The following DOC2A variants were observed in gnomAD, a reference collection of about 807,000 sequenced individuals.
The protein encoded by DOC2A is double C2 domain alpha, also known as double C2-like domain-containing protein alpha.
A neutral mutation model predicts 40.6 loss-of-function variants in DOC2A; 28 were observed. That is an observed-to-expected ratio of 0.69 (90% confidence interval 0.51 to 0.95). DOC2A has a LOEUF of 0.95. Among genes scored for constraint, DOC2A ranks in the 40% least tolerant of loss-of-function variants. The probability of loss-of-function intolerance (pLI) is 0.00; values close to 1 mark genes in which losing one functional copy is unlikely to be tolerated. For synonymous variants in DOC2A, 241 were observed against 236.9 expected (o/e 1.02, Z -0.16); for missense variants, 474 against 552.5 (o/e 0.86, Z 1.42).
At position 30,006,573 on chromosome 16, in the gene DOC2A, A is replaced by G. The variant is rs766312071; in HGVS notation, c.960+23T>C. On this transcript the variant is annotated intron_variant, in intron 9 of 10. Coordinates refer to ENST00000350119, the MANE Select transcript of DOC2A (RefSeq NM_003586.3). The surrounding 1 kb of genome is among the most constrained non-coding windows in gnomAD (Gnocchi z 6.2). ...CCCAGCCCCTCCCTGGCCTCCCTCC[A>G]TGTCCCGTCCCCTCCTGGGTACCTC... The G allele has an allele frequency of 6.8e-6, 11 of 1,612,672 alleles. No individual in the cohort carries two copies. The highest frequency in any genetic ancestry group is 9.3e-6 in the Non-Finnish European group (11 of 1,179,448).
Position 30,010,270 on chromosome 16 carries a change from T to C in DOC2A, c.-13-35A>G. 1 of 1,609,622 alleles carries C rather than the reference T, an allele frequency of 6.2e-7. No homozygotes were observed. The highest frequency in any genetic ancestry group is 8.5e-7 in the Non-Finnish European group (1 of 1,179,874). On this transcript the variant is annotated intron_variant, in intron 1 of 10. Coordinates refer to ENST00000350119, the MANE Select transcript of DOC2A (RefSeq NM_003586.3). This position sits in a 1 kb window ranked among gnomAD's most constrained non-coding sequence, Gnocchi z 4.2. The stretch of plus-strand genomic sequence containing the variant: ...GGCGTGTGAGCCAGTGAGCCCATCA[T>C]ACCTAGCCATCCTGGCTGAGGGCCA...
intron 5 of DOC2A, 103 bp from the exon 6 acceptor site, chr16:30,007,402 C>T: frequency 6.6e-7 from 1 of 1,516,600 alleles, no homozygotes; most frequent in Non-Finnish European, 9.1e-7. Flanking sequence ...AACACTACGT[C>T]TCATCTGGAA....
upstream of DOC2A, among the ~76,000 whole-genome samples, chr16:30,016,020 A>AATATATATAT (rs1161591964): frequency 9.6e-4 from 59 of 61,158 alleles, no homozygotes; most frequent in African/African-American, 1.5e-3. Flanking sequence ...CCAGCACAAT[A>AATATATATAT]ATATATATAT....
chr16:30,006,297 C>T lies in DOC2A; in HGVS notation c.1092G>A (p.Glu364=), dbSNP rs910381791. 2.5e-6 allele frequency: 4 copies of T among 1,610,952 alleles called. No homozygotes were observed. Among genetic ancestry groups the T allele is most frequent in the Non-Finnish European group, 3.4e-6 (4 of 1,179,236 alleles). ...GGCAGTCACTCCAGTGCTTCCGAGC[C>T]TCGCCTCGGGCACCTGGCCCCAGGG... ...GVSLGPGARG[E]ARKHWSDCLQ... The change falls in exon 11 of 11, where the codon GAG becomes GAA. Residue 364 remains glutamate (E), a synonymous_variant. Transcript: ENST00000350119. This position sits in a 1 kb window ranked among gnomAD's most constrained non-coding sequence, Gnocchi z 6.2.
Position 30,010,202 on chromosome 16 carries a change from A to G in DOC2A, c.21T>C (p.Asp7=), listed in dbSNP as rs2070741456. The change falls in exon 2 of 11, where the codon GAT becomes GAC. Residue 7 remains aspartate (D), a synonymous_variant. Transcript: ENST00000350119. This position sits in a 1 kb window ranked among gnomAD's most constrained non-coding sequence, Gnocchi z 4.2. ...GCTCCTGGATGTTGATGGTCATGCG[A>G]TCGCCCCTGCGGCCCCTCATGCAGC... MRGRRG[D]RMTINIQEHM... 1.2e-6 allele frequency: 2 copies of G among 1,613,914 alleles called. No homozygotes were observed. Among genetic ancestry groups the G allele is most frequent in the Non-Finnish European group, 1.7e-6 (2 of 1,179,958 alleles).
In DOC2A at chr16:30,009,745, T is replaced by C. The variant is rs777036505; in HGVS notation, c.263-188A>G. Among the ~76,000 whole-genome samples, 5 of 151,966 alleles carry C rather than the reference T, an allele frequency of 3.3e-5. No homozygotes were observed. The highest frequency in any genetic ancestry group is 7.4e-5 in the Non-Finnish European group (5 of 67,962). ...TCGGCCGCAACTGGGGCTGTGTGGG[T>C]GGTGGAGTGTCTCAGCAGAAATACT... On this transcript the variant is annotated intron_variant, in intron 2 of 10. Transcript: ENST00000350119. The surrounding 1 kb of genome is among the most constrained non-coding windows in gnomAD (Gnocchi z 4.1).
At chr16:30,011,112 G>A (rs2070768533), upstream of DOC2A, 1 of 730,524 alleles carries the variant, frequency 1.4e-6, no homozygotes, top group African/African-American at 1.9e-5. Flanking sequence ...GGCTGGGGAG[G>A]GGGCGGGATC....
upstream of DOC2A, among the ~76,000 whole-genome samples, chr16:30,013,158 CAAAAAAAAAAAAAA>C (rs1171077200): frequency 5.1e-5 from 2 of 39,182 alleles, no homozygotes; most frequent in Non-Finnish European, 8.8e-5. Context: ...CCTGTCTCTA[CAAAAAAAAAAAAAA>C]AAAAAAAAAA....
At chr16:30,011,079 CG>C, upstream of DOC2A, 1 of 278,614 alleles carries the variant, frequency 3.6e-6, no homozygotes, top group Non-Finnish European at 4.5e-6. Flanking sequence ...GGCGCGGCGG[CG>C]GGGGACGGGG....
Position 30,006,867 on chromosome 16 carries a change from G to A in DOC2A, c.796C>T (p.Arg266Trp), listed in dbSNP as rs370463371. The A allele has an allele frequency of 5.0e-6, 8 of 1,613,428 alleles. No homozygotes were observed. The highest frequency in any genetic ancestry group is 1.6e-4 in the Middle Eastern group (1 of 6,082). Residue 266 changes from arginine (R) to tryptophan (W), a missense_variant, in exon 8 of 11, where the codon CGG (arginine) becomes TGG (tryptophan). Physicochemically the swap from Arg to Trp is moderately radical, Grantham distance 101. Coordinates refer to ENST00000350119, the MANE Select transcript of DOC2A (RefSeq NM_003586.3). The surrounding 1 kb of genome is among the most constrained non-coding windows in gnomAD (Gnocchi z 6.2). The part of the protein sequence containing the change: ...LLSLSYSSRR[R>W]GLLVGILRCA... ...CGCAAGATGCCTACCAGCAGTCCCC[G>A]GCGCCGCGAGCTGTAGCTGAGACTC... is the stretch of plus-strand genomic sequence containing the variant.
chr16:30,010,864 A>T lies in DOC2A; in HGVS notation c.-14+39T>A. Reference sequence around the variant, plus strand: ...CACACAGGCTGGCACGCTTCCCCGCACCCTCACGCCCCCGGCCTGCCCAGC... The same window carrying T: ...CACACAGGCTGGCACGCTTCCCCGCTCCCTCACGCCCCCGGCCTGCCCAGC... On this transcript the variant is annotated intron_variant, in intron 1 of 10. Coordinates refer to ENST00000350119, the MANE Select transcript of DOC2A (RefSeq NM_003586.3). The surrounding 1 kb of genome is among the most constrained non-coding windows in gnomAD (Gnocchi z 4.2). 1 of 995,698 alleles carries T rather than the reference A, an allele frequency of 1.0e-6. No homozygotes were observed. The highest frequency in any genetic ancestry group is 1.2e-6 in the Non-Finnish European group (1 of 835,540). 61.7% of individuals were successfully genotyped at this position (995,698 alleles called of 1,614,324 possible).
At chr16:30,007,336 C>T in intron 5 of DOC2A, 37 bp from the exon 6 acceptor site, 2 of 1,613,266 alleles carry the variant, frequency 1.2e-6, no homozygotes, top group East Asian at 2.2e-5. Flanking sequence ...CCCTGGGGTA[C>T]CTGAGCCCCG....
rs747294200 is a variant in DOC2A at position 30,007,062 on chromosome 16, G to A, written c.683C>T (p.Ala228Val). ...PLASPSSMSA[A>V]LRGISCYLKE... The stretch of plus-strand genomic sequence containing the variant: ...CAGATAACAGGAGATGCCCCTCAGC[G>A]CCGCTGACATGGAAGAGGGGGACGC... Residue 228 changes from alanine to valine, a missense_variant, in exon 7 of 11, where the codon GCG becomes GTG. Transcript: ENST00000350119. 3.1e-5 allele frequency: 50 copies of A among 1,613,852 alleles called. No homozygotes were observed. The highest frequency in any genetic ancestry group is 1.6e-4 in the Middle Eastern group (1 of 6,084).
chr16:30,010,281 C>G lies in DOC2A; in HGVS notation c.-13-46G>C. On this transcript the variant is annotated intron_variant, in intron 1 of 10. Coordinates refer to ENST00000350119, the MANE Select transcript of DOC2A (RefSeq NM_003586.3). This position sits in a 1 kb window ranked among gnomAD's most constrained non-coding sequence, Gnocchi z 4.2. ...CAGTGAGCCCATCATACCTAGCCAT[C>G]CTGGCTGAGGGCCAGGCGACGGCCT... 1 of 1,607,398 alleles carries G rather than the reference C, an allele frequency of 6.2e-7. No homozygotes were observed. The highest frequency in any genetic ancestry group is 8.5e-7 in the Non-Finnish European group (1 of 1,179,642).
chr16:30,007,064 C>A lies in DOC2A; in HGVS notation c.681G>T (p.Ala227=). The A allele has an allele frequency of 6.2e-7, 1 of 1,613,968 alleles. No homozygotes were observed. Among genetic ancestry groups the A allele is most frequent in the Non-Finnish European group, 8.5e-7 (1 of 1,179,980 alleles). Residue 227 remains alanine (A), a synonymous_variant, in exon 7 of 11, where the codon GCG becomes GCT. Transcript: ENST00000350119. ...VPLASPSSMS[A]ALRGISCYLK... The stretch of plus-strand genomic sequence containing the variant: ...GATAACAGGAGATGCCCCTCAGCGC[C>A]GCTGACATGGAAGAGGGGGACGCCA...
At chr16:30,008,925 TCAAC>T in intron 5 of DOC2A, 67 bp downstream of exon 5, 4 of 1,069,398 alleles carry the variant, frequency 3.7e-6, no homozygotes, top group South Asian at 1.3e-5. Flanking sequence ...GGGACATAGA[TCAAC>T]CAACCAGCGG....
At chr16:30,015,180 G>A (rs912534295), upstream of DOC2A, 2 of 152,176 alleles carry the variant, frequency 1.3e-5, no homozygotes, top group Non-Finnish European at 2.9e-5. Context: ...CCTCTGGGGA[G>A]ACAGGGCAGG....
At position 30,009,986 on chromosome 16, in the gene DOC2A, C is replaced by G; in HGVS notation, c.237G>C (p.Val79=). 6.2e-7 allele frequency: 1 copy of G among 1,611,812 alleles called. No homozygotes were observed. Among genetic ancestry groups the G allele is most frequent in the Non-Finnish European group, 8.5e-7 (1 of 1,179,820 alleles). The part of the protein sequence containing the change: ...GATTPEDGAE[V]DSYDSDDATA... ...TGGCATCATCCGAGTCATAGCTGTC[C>G]ACCTCCGCACCATCCTCAGGCGTGG... Residue 79 remains valine, a synonymous_variant, in exon 2 of 11, where the codon GTG becomes GTC. Coordinates refer to ENST00000350119, the MANE Select transcript of DOC2A (RefSeq NM_003586.3). This position sits in a 1 kb window ranked among gnomAD's most constrained non-coding sequence, Gnocchi z 4.1.
upstream of DOC2A, among the ~76,000 whole-genome samples, chr16:30,014,253 C>T (rs544400389): frequency 6.6e-5 from 10 of 150,694 alleles, no homozygotes; most frequent in Non-Finnish European, 1.2e-4. Context: ...GCAATCCTCC[C>T]GCTTCGGCCT....
Sources: gnomAD v4.1 joint callset for allele counts (sites outside exome capture counted in the v4.1 genomes callset) on GRCh38, gnomAD v4.1.1 for gene constraint, Gnocchi (gnomAD v3.1) non-coding constraint, MANE v1.5 for transcripts, NCBI Gene and HGNC (gene_info 2026-07-23, HGNC 2026-07-21) for gene names.